The following SRD5A2 variants were observed in gnomAD, a reference collection of about 807,000 sequenced individuals.
The protein encoded by SRD5A2 is 3-oxo-5-alpha-steroid 4-dehydrogenase 2.
A neutral mutation model predicts 27.4 loss-of-function variants in SRD5A2; 30 were observed. The observed-to-expected ratio is 1.10, with a 90% CI of 0.82 to 1.49. The LOEUF is 1.49. Among genes scored for constraint, SRD5A2 ranks in the 40% most tolerant of loss-of-function variants. SRD5A2 has a pLI of 0.00. For synonymous variants in SRD5A2, 141 were observed against 133.6 expected (o/e 1.06, Z -0.38); for missense variants, 348 against 323.4 (o/e 1.08, Z -0.58).
chr2:31,604,881 T>C, the SRD5A2 span, among the ~76,000 whole-genome samples: 1 of 151,710 alleles, frequency 6.6e-6, no homozygotes, highest in African/African-American at 2.4e-5. Context: ...AACTGAGGAA[T>C]CACATTATCT....
At chr2:31,567,878 G>C (rs998144167) in intron 1 of SRD5A2, among the ~76,000 whole-genome samples, 1 of 151,998 alleles carries the variant, frequency 6.6e-6, no homozygotes, top group South Asian at 2.1e-4. Flanking sequence ...GCTGCACTTG[G>C]CTCATGCTAC....
intron 1 of SRD5A2, among the ~76,000 whole-genome samples, chr2:31,566,344 C>T (rs1487715901): frequency 6.6e-6 from 1 of 151,818 alleles, no homozygotes; most frequent in African/African-American, 2.4e-5. Context: ...TAAGAAAAAA[C>T]ATAATAAAGA....
At chr2:31,622,238 G>T in the SRD5A2 span, among the ~76,000 whole-genome samples, 1 of 152,088 alleles carries the variant, frequency 6.6e-6, no homozygotes. Flanking sequence ...TTCTGCTTCT[G>T]TGTTAGTTTG....
the SRD5A2 span, among the ~76,000 whole-genome samples, chr2:31,626,232 G>T: frequency 6.6e-6 from 1 of 152,136 alleles, no homozygotes; most frequent in Non-Finnish European, 1.5e-5. Flanking sequence ...TGTTGAAGTT[G>T]CTTATCAGCT....
intron 1 of SRD5A2, among the ~76,000 whole-genome samples, chr2:31,536,312 C>A (rs1217497033): frequency 6.6e-6 from 1 of 152,334 alleles, no homozygotes; most frequent in Non-Finnish European, 1.5e-5. Context: ...AATAAAAGCT[C>A]ATTTCTTGCT....
At chr2:31,614,340 T>C in the SRD5A2 span, among the ~76,000 whole-genome samples, 1 of 152,212 alleles carries the variant, frequency 6.6e-6, no homozygotes, top group Non-Finnish European at 1.5e-5. Context: ...CAATCAAATC[T>C]TAAAGCTGCA....
chr2:31,624,184 A>G, the SRD5A2 span, among the ~76,000 whole-genome samples: 3 of 152,106 alleles, frequency 2.0e-5, no homozygotes, highest in Non-Finnish European at 2.9e-5. Flanking sequence ...ATCACATCAC[A>G]TAAAACAGGG....
chr2:31,595,689 C>A, the SRD5A2 span, among the ~76,000 whole-genome samples: 60 of 152,158 alleles, frequency 3.9e-4, 1 homozygote, highest in Non-Finnish European at 6.9e-4. Context: ...AGAGAGTCCT[C>A]CCTACATCAT....
At chr2:31,654,343 C>G in the SRD5A2 span, among the ~76,000 whole-genome samples, 4 of 152,256 alleles carry the variant, frequency 2.6e-5, no homozygotes, top group Admixed American at 2.6e-4. Context: ...TGTGTAAAAC[C>G]TGCATCCTTT....
chr2:31,657,810 C>G, the SRD5A2 span, among the ~76,000 whole-genome samples: 3 of 152,080 alleles, frequency 2.0e-5, no homozygotes, highest in Non-Finnish European at 2.9e-5. Flanking sequence ...CTACCAACAG[C>G]CTCTGCCACA....
chr2:31,540,013 G>C (rs773465057), intron 1 of SRD5A2, among the ~76,000 whole-genome samples: 5 of 152,172 alleles, frequency 3.3e-5, no homozygotes, highest in Admixed American at 6.5e-5. Context: ...TGTACGAAGG[G>C]GGAATATTTA....
chr2:31,526,074 AACGCCAGGAGACC>A lies in SRD5A2; in HGVS notation c.*109_*121del. On this transcript the variant is annotated 3_prime_UTR_variant, in exon 5 of 5. Transcript: ENST00000622030. The stretch of plus-strand genomic sequence containing the variant: ...TCAGAATCCCCAGGCCAGCTGGCAG[AACGCCAGGAGACC>A]TACTATTACATATATACGGGACTAT... 1.6e-6 allele frequency: 1 copy of A among 632,948 alleles called. No homozygotes were observed. The highest frequency in any genetic ancestry group is 2.2e-5 in the African/African-American group (1 of 45,476). The allele number at this position is 632,948 out of a possible 1,614,324, so 39.2% of individuals were successfully genotyped here. A position where few individuals can be genotyped will look rare whatever the true frequency, so the allele number is the denominator to read the frequency against.
chr2:31,627,296 G>A, the SRD5A2 span, among the ~76,000 whole-genome samples: 1 of 151,842 alleles, frequency 6.6e-6, no homozygotes, highest in Non-Finnish European at 1.5e-5. Flanking sequence ...TATTTCTGTG[G>A]GTTCAGTGGC....
At chr2:31,567,009 ATGGCTC>A (rs1429049188) in intron 1 of SRD5A2, among the ~76,000 whole-genome samples, 4 of 152,210 alleles carry the variant, frequency 2.6e-5, no homozygotes, top group Admixed American at 6.5e-5. Context: ...TTTTAACTAA[ATGGCTC>A]CATATATTTA....
intron 1 of SRD5A2, among the ~76,000 whole-genome samples, chr2:31,553,915 A>T (rs1263702088): frequency 6.6e-6 from 1 of 152,152 alleles, no homozygotes; most frequent in Non-Finnish European, 1.5e-5. Flanking sequence ...GGAATAGTAA[A>T]GGGTTTGGAC....
intron 1 of SRD5A2, among the ~76,000 whole-genome samples, chr2:31,541,892 C>G (rs1033803448): frequency 2.7e-4 from 41 of 152,328 alleles, no homozygotes; most frequent in African/African-American, 9.6e-4. Flanking sequence ...GCATATAGAT[C>G]AGCCCTAGCC....
At chr2:31,590,400 G>T in the SRD5A2 span, among the ~76,000 whole-genome samples, 1 of 152,080 alleles carries the variant, frequency 6.6e-6, no homozygotes, top group Non-Finnish European at 1.5e-5. Context: ...CACGTCCCTT[G>T]TAAGTAGGAT....
chr2:31,573,770 G>A (rs1310970221), intron 1 of SRD5A2, among the ~76,000 whole-genome samples: 1 of 152,108 alleles, frequency 6.6e-6, no homozygotes, highest in African/African-American at 2.4e-5. Context: ...TTCAGAACAG[G>A]TACCACTGTG....
chr2:31,571,425 A>C (rs1277716957), intron 1 of SRD5A2, among the ~76,000 whole-genome samples: 1 of 152,188 alleles, frequency 6.6e-6, no homozygotes, highest in African/African-American at 2.4e-5. Flanking sequence ...CCCTAGAAGA[A>C]AACCTAGAAA....
Sources: gnomAD v4.1 joint callset for allele counts (sites outside exome capture counted in the v4.1 genomes callset) on GRCh38, gnomAD v4.1.1 for gene constraint, MANE v1.5 for transcripts, NCBI Gene and HGNC (gene_info 2026-07-23, HGNC 2026-07-21) for gene names.